Variants in MS4A13 observed in about 807,000 individuals in gnomAD.
MS4A13 encodes the protein membrane spanning 4-domains A13, also known as membrane-spanning 4-domains subfamily A member 13.
MS4A13 carries 21 observed loss-of-function variants against 18.4 expected under a neutral mutation model. The ratio of observed to expected loss-of-function variants is 1.14; its 90% CI spans 0.81 to 1.64. The LOEUF is 1.64. MS4A13 is among the 40% of genes most tolerant of loss of function. The pLI, the probability that MS4A13 is intolerant of heterozygous loss-of-function variation, is 0.00. For missense variants in MS4A13, 173 were observed against 176.8 expected, an observed-to-expected ratio of 0.98 and a Z score of 0.12; for synonymous variants, 62 against 57.2, an observed-to-expected ratio of 1.08 and a Z score of -0.38.
intron 3 of MS4A13, among the ~76,000 whole-genome samples, chr11:60,522,246 A>ATATATATATCTATATATGTATG (rs2086681764): frequency 7.0e-6 from 1 of 143,716 alleles, no homozygotes. Flanking sequence ...ATAGATGTAT[A>ATATATATATCTATATATGTATG]TATATAGATA....
chr11:60,522,219 GA>G (rs1190777003), intron 3 of MS4A13, among the ~76,000 whole-genome samples: 105 of 16,004 alleles, frequency 6.6e-3, no homozygotes, highest in Non-Finnish European at 0.017. Flanking sequence ...TAGATAGATA[GA>G]TAGATAGATA....
At chr11:60,539,901 T>C (rs1161084251) in intron 6 of MS4A13, among the ~76,000 whole-genome samples, 1 of 152,080 alleles carries the variant, frequency 6.6e-6, no homozygotes, top group Non-Finnish European at 1.5e-5. Flanking sequence ...CATACACAGA[T>C]GAATAATGTG....
chr11:60,543,052 T>C (rs141780578), downstream of MS4A13, among the ~76,000 whole-genome samples: 50 of 152,308 alleles, frequency 3.3e-4, 1 homozygote, highest in East Asian at 8.7e-3. Context: ...ATTTCCTTCA[T>C]TGTTCTTTGA....
chr11:60,528,601 AAGG>A (rs1220160504), intron 5 of MS4A13, among the ~76,000 whole-genome samples: 1 of 152,206 alleles, frequency 6.6e-6, no homozygotes, highest in Admixed American at 6.5e-5. Flanking sequence ...CCAAACAAAG[AAGG>A]AGGAGGAAGA....
chr11:60,529,358 G>T lies in MS4A13; in HGVS notation c.307-7G>T, dbSNP rs762375164. On this transcript the variant is annotated splice_polypyrimidine_tract_variant and splice_region_variant and intron_variant, in intron 5 of 6. Coordinates refer to ENST00000378186, the MANE Select transcript of MS4A13 (RefSeq NM_001012417.3). Reference sequence around the variant, plus strand: ...CATTAAGATTTCTCCCTGTTTTTTGGTTATAGAAACTTGGGAGGGAAGTAT... The same window carrying T: ...CATTAAGATTTCTCCCTGTTTTTTGTTTATAGAAACTTGGGAGGGAAGTAT... 86 of 1,501,972 alleles carry T rather than the reference G, an allele frequency of 5.7e-5. No homozygotes were observed. The highest frequency in any genetic ancestry group is 7.4e-5 in the Non-Finnish European group (82 of 1,111,930). The allele number at this position is 1,501,972 out of a possible 1,614,324, so 93.0% of individuals were successfully genotyped here. A position where few individuals can be genotyped will look rare whatever the true frequency, so the allele number is the denominator to read the frequency against.
Position 60,523,882 on chromosome 11 carries a change from T to A in MS4A13, c.130-15T>A. ...CATTATCAATGAGTATTTATAAATATGTTTTTATATCCAGTTTATCATTGC... is the reference window on the plus strand; with the variant it reads ...CATTATCAATGAGTATTTATAAATAAGTTTTTATATCCAGTTTATCATTGC... On this transcript the variant is annotated splice_polypyrimidine_tract_variant and intron_variant, in intron 3 of 6. Coordinates refer to ENST00000378186, the MANE Select transcript of MS4A13 (RefSeq NM_001012417.3). The A allele has an allele frequency of 1.5e-6, 2 of 1,370,270 alleles. No individual in the cohort carries two copies. Among genetic ancestry groups the A allele is most frequent in the Non-Finnish European group, 2.1e-6 (2 of 963,034 alleles). 84.9% of individuals were successfully genotyped at this position (1,370,270 alleles called of 1,614,324 possible).
At position 60,518,227 on chromosome 11, in the gene MS4A13, T is replaced by G. The variant is rs749953409; in HGVS notation, c.129+15T>G. On this transcript the variant is annotated intron_variant, in intron 3 of 6. Transcript: ENST00000378186. ...GGGGAATTTTTGTGAGTAGAATACA[T>G]ATATATTGCTTTAATCATACAATAA... 1 of 1,584,872 alleles carries G rather than the reference T, an allele frequency of 6.3e-7. No individual in the cohort carries two copies. Among genetic ancestry groups the G allele is most frequent in the South Asian group, 1.2e-5 (1 of 85,960 alleles).
At chr11:60,527,402 C>CTGTG (rs1565212713) in intron 5 of MS4A13, among the ~76,000 whole-genome samples, 75 of 81,540 alleles carry the variant, frequency 9.2e-4, no homozygotes, top group East Asian at 2.8e-3. Context: ...CTCTCTCTCT[C>CTGTG]TCTCTCTCTG....
intron 2 of MS4A13, among the ~76,000 whole-genome samples, chr11:60,516,497 T>A (rs1030902512): frequency 5.3e-5 from 8 of 152,222 alleles, no homozygotes; most frequent in Admixed American, 1.3e-4. Context: ...ACATTTCCAC[T>A]CGTGAACTTT....
intron 3 of MS4A13, among the ~76,000 whole-genome samples, chr11:60,523,052 T>C (rs1308813297): frequency 6.6e-6 from 1 of 152,232 alleles, no homozygotes; most frequent in African/African-American, 2.4e-5. Context: ...ATTCACAAGA[T>C]ATTTTCACTT....
rs551285577 is a variant in MS4A13 at position 60,539,868 on chromosome 11, CA to C, written c.403-2646del. Reference sequence around the variant, plus strand: ...TTCTTTATCCTTTAAAACTATCCCTCAAAAATGAAGGTGAAATACAGACATA... The same window carrying C: ...TTCTTTATCCTTTAAAACTATCCCTCAAAATGAAGGTGAAATACAGACATA... On this transcript the variant is annotated intron_variant, in intron 6 of 6. Transcript: ENST00000378186. Among the ~76,000 whole-genome samples the C allele has an allele frequency of 4.6e-3, 695 of 152,194 alleles. 12 individuals carry two copies. The highest frequency in any genetic ancestry group is 0.016 in the African/African-American group (669 of 41,534).
intron 6 of MS4A13, among the ~76,000 whole-genome samples, chr11:60,538,479 G>A (rs907093155): frequency 4.6e-5 from 7 of 151,500 alleles, no homozygotes; most frequent in African/African-American, 1.5e-4. Flanking sequence ...TAATTAGCCT[G>A]ATTTAATCAT....
At chr11:60,518,991 C>G (rs1216759880) in intron 3 of MS4A13, among the ~76,000 whole-genome samples, 1 of 152,140 alleles carries the variant, frequency 6.6e-6, no homozygotes, top group African/African-American at 2.4e-5. Context: ...TTGAAAGAAA[C>G]AGCATCATAT....
intron 2 of MS4A13, 141 bp from the exon 3 acceptor site, chr11:60,517,931 A>T: frequency 1.7e-6 from 1 of 589,716 alleles, no homozygotes; most frequent in Non-Finnish European, 2.7e-6. Context: ...GGGATAACCA[A>T]TCCAGGAAAT....
intron 3 of MS4A13, 105 bp downstream of exon 3, chr11:60,518,317 T>C (rs189542728): frequency 1.2e-6 from 1 of 850,616 alleles, no homozygotes; most frequent in East Asian, 2.8e-5. Context: ...AGGAGAATTA[T>C]GTAACTAAAT....
intron 3 of MS4A13, among the ~76,000 whole-genome samples, chr11:60,523,544 A>T (rs529850852): frequency 6.6e-6 from 1 of 152,314 alleles, no homozygotes; most frequent in East Asian, 1.9e-4. Flanking sequence ...TCATCATCTC[A>T]TTAGGAAGGA....
intron 6 of MS4A13, among the ~76,000 whole-genome samples, chr11:60,542,279 AAG>A (rs2086866406): frequency 6.7e-6 from 1 of 150,190 alleles, no homozygotes; most frequent in African/African-American, 2.4e-5. Flanking sequence ...AAAGGAAAGA[AAG>A]AAAGAGAAAG....
intron 3 of MS4A13, among the ~76,000 whole-genome samples, chr11:60,523,489 C>T (rs1035776665): frequency 6.6e-6 from 1 of 152,154 alleles, no homozygotes. Context: ...ATTCTTGAAC[C>T]ACTTTTTCCA....
intron 2 of MS4A13, among the ~76,000 whole-genome samples, chr11:60,517,849 C>G (rs1170134444): frequency 6.6e-6 from 1 of 152,274 alleles, no homozygotes; most frequent in Non-Finnish European, 1.5e-5. Flanking sequence ...TATTATTGAA[C>G]AGCCTGTTGC....
Sources: gnomAD v4.1 joint callset for allele counts (sites outside exome capture counted in the v4.1 genomes callset) on GRCh38, gnomAD v4.1.1 for gene constraint, MANE v1.5 for transcripts, NCBI Gene and HGNC (gene_info 2026-07-23, HGNC 2026-07-21) for gene names.